Variants in ADGRE3 observed in about 807,000 individuals in gnomAD.
The protein encoded by ADGRE3 is EGF-like module receptor 3.
A neutral mutation model predicts 80.1 loss-of-function variants in ADGRE3; 88 were observed. The observed-to-expected ratio is 1.10, with a 90% CI of 0.93 to 1.31. ADGRE3 has a LOEUF of 1.31. ADGRE3 is among the 40% of genes most tolerant of loss of function. The pLI, the probability that ADGRE3 is intolerant of heterozygous loss-of-function variation, is 0.00. For synonymous variants in ADGRE3, 281 were observed against 294.8 expected (o/e 0.95, Z 0.48); for missense variants, 715 against 776.5 (o/e 0.92, Z 0.94).
intron 1 of ADGRE3, among the ~76,000 whole-genome samples, chr19:14,669,493 T>C (rs73506195): frequency 6.6e-6 from 1 of 151,956 alleles, no homozygotes; most frequent in Non-Finnish European, 1.5e-5. Context: ...GATTATTATT[T>C]TTTTTCTTTT....
intron 9 of ADGRE3, 22 bp downstream of exon 9, chr19:14,644,086 G>A: frequency 7.1e-7 from 1 of 1,403,214 alleles, no homozygotes. Flanking sequence ...TTTGCTGGAA[G>A]AATAAAACAT....
At chr19:14,628,753 C>T (rs1293876341) in intron 14 of ADGRE3, 22 of 334,734 alleles carry the variant, frequency 6.6e-5, no homozygotes, top group Non-Finnish European at 5.8e-6. Flanking sequence ...GCCAGTGTTA[C>T]AAGGAAGGCT....
the ADGRE3 span, among the ~76,000 whole-genome samples, chr19:14,605,377 T>C: frequency 6.7e-6 from 1 of 148,758 alleles, no homozygotes; most frequent in South Asian, 2.4e-4. Context: ...ATTACAGGCA[T>C]GAGCCACCGC....
chr19:14,623,500 G>A (rs1970651396), intron 15 of ADGRE3, among the ~76,000 whole-genome samples: 1 of 152,196 alleles, frequency 6.6e-6, no homozygotes, highest in Non-Finnish European at 1.5e-5. Context: ...GCCTGAGTTA[G>A]TGCAATGGAA....
At chr19:14,610,597 G>A in the ADGRE3 span, 1 of 182,114 alleles carries the variant, frequency 5.5e-6, no homozygotes, top group Non-Finnish European at 1.2e-5. Flanking sequence ...TCCTTTTCCT[G>A]CAGCCTCAAA....
chr19:14,651,966 G>A (rs554016478), intron 6 of ADGRE3, among the ~76,000 whole-genome samples: 4 of 150,924 alleles, frequency 2.7e-5, no homozygotes, highest in East Asian at 3.9e-4. Context: ...AGTTTGAACC[G>A]GGGAGGCAGA....
the ADGRE3 span, among the ~76,000 whole-genome samples, chr19:14,612,466 C>T: frequency 2.0e-5 from 3 of 151,824 alleles, no homozygotes; most frequent in Admixed American, 2.0e-4. Context: ...TCCTGAGTAG[C>T]TGGGATTACA....
chr19:14,618,733 G>A (rs186605277), downstream of ADGRE3, among the ~76,000 whole-genome samples: 1 of 148,596 alleles, frequency 6.7e-6, no homozygotes, highest in East Asian at 2.0e-4. Flanking sequence ...GTCCATACCT[G>A]TAACGCCAGC....
downstream of ADGRE3, among the ~76,000 whole-genome samples, chr19:14,618,526 C>A (rs1324825173): frequency 1.3e-5 from 2 of 151,730 alleles, no homozygotes; most frequent in Non-Finnish European, 2.9e-5. Flanking sequence ...TGCACTCCAG[C>A]CTGGGTGACA....
the ADGRE3 span, among the ~76,000 whole-genome samples, chr19:14,613,705 A>G: frequency 7.3e-5 from 11 of 151,466 alleles, no homozygotes; most frequent in Admixed American, 3.3e-4. Context: ...ATTTTTTTTG[A>G]GATGGAGTGT....
At chr19:14,653,975 T>C (rs1971678374) in intron 6 of ADGRE3, among the ~76,000 whole-genome samples, 1 of 147,520 alleles carries the variant, frequency 6.8e-6, no homozygotes. Context: ...TAATTTAAGA[T>C]GGAGTCTTGC....
intron 11 of ADGRE3, among the ~76,000 whole-genome samples, chr19:14,636,643 G>C (rs7256688): frequency 0.37 from 55,703 of 151,882 alleles, 11,026 homozygotes; most frequent in East Asian, 0.63. Flanking sequence ...ATGAAAACAA[G>C]CCAAACTTGC....
chr19:14,615,173 G>C (rs1211900155), downstream of ADGRE3, among the ~76,000 whole-genome samples: 2 of 134,050 alleles, frequency 1.5e-5, no homozygotes, highest in Non-Finnish European at 3.2e-5. Flanking sequence ...GCCTCCCACT[G>C]TTTGTTGATC....
intron 11 of ADGRE3, 85 bp downstream of exon 11, chr19:14,638,020 G>A (rs534295234): frequency 4.2e-5 from 40 of 950,454 alleles, no homozygotes; most frequent in Admixed American, 1.4e-4. Context: ...CATTGGTTAC[G>A]TATATTCCCA....
intron 14 of ADGRE3, among the ~76,000 whole-genome samples, chr19:14,626,382 A>G (rs1412568528): frequency 1.3e-5 from 2 of 152,146 alleles, no homozygotes; most frequent in African/African-American, 4.8e-5. Context: ...GGTTGCAGTG[A>G]GCTGAGATCA....
At chr19:14,606,488 G>T in the ADGRE3 span, among the ~76,000 whole-genome samples, 1 of 152,082 alleles carries the variant, frequency 6.6e-6, no homozygotes, top group African/African-American at 2.4e-5. Context: ...AGATCAGGCT[G>T]GTCAACATGG....
chr19:14,610,090 A>G, the ADGRE3 span: 1 of 1,613,312 alleles, frequency 6.2e-7, no homozygotes, highest in Non-Finnish European at 8.5e-7. Flanking sequence ...GAACCCAATA[A>G]CATCCACGAT....
intron 11 of ADGRE3, among the ~76,000 whole-genome samples, chr19:14,637,069 G>C (rs10421316): frequency 2.0e-5 from 3 of 151,940 alleles, no homozygotes; most frequent in Non-Finnish European, 4.4e-5. Context: ...ACTCCAGCCT[G>C]GGCAACAAGA....
the ADGRE3 span, among the ~76,000 whole-genome samples, chr19:14,609,864 AC>A: frequency 4.9e-5 from 7 of 141,432 alleles, no homozygotes; most frequent in Middle Eastern, 4.0e-3. Context: ...AAAACAAAAA[AC>A]CCCCCAAAAC....
Sources: allele counts gnomAD v4.1 joint callset (sites outside exome capture counted in the v4.1 genomes callset), GRCh38; gene constraint gnomAD v4.1.1; transcripts MANE v1.5; gene names NCBI Gene and HGNC (gene_info 2026-07-23, HGNC 2026-07-21).